The following PCGF5 variants were observed in gnomAD, a reference collection of about 807,000 sequenced individuals.
PCGF5 encodes the protein polycomb group RING finger protein 5.
In PCGF5, 9 loss-of-function variants were observed where a neutral mutation model predicts 44.3. The observed-to-expected ratio is 0.20, with a 90% CI of 0.12 to 0.35. PCGF5 has a LOEUF of 0.35. Among genes scored for constraint, PCGF5 ranks in the 10% least tolerant of loss-of-function variants. The pLI, the probability that PCGF5 is intolerant of heterozygous loss-of-function variation, is 1.00. For missense variants in PCGF5, 146 were observed against 305.3 expected, an observed-to-expected ratio of 0.48 and a Z score of 3.89; for synonymous variants, 95 against 102.5, an observed-to-expected ratio of 0.93 and a Z score of 0.44.
chr10:91,271,805 G>A, intron 9 of PCGF5, 108 bp downstream of exon 9: 1 of 888,282 alleles, frequency 1.1e-6, no homozygotes, highest in Non-Finnish European at 1.8e-6. Context: ...AACTGTTACT[G>A]GAGCTACAAA....
At chr10:91,235,982 G>A (rs1469472026) in intron 2 of PCGF5, among the ~76,000 whole-genome samples, 1 of 152,186 alleles carries the variant, frequency 6.6e-6, no homozygotes, top group Non-Finnish European at 1.5e-5. Flanking sequence ...GGAGGCTGAG[G>A]CAGGAGGATC....
intron 1 of PCGF5, among the ~76,000 whole-genome samples, chr10:91,174,207 A>T (rs1270183635): frequency 6.6e-6 from 1 of 151,988 alleles, no homozygotes; most frequent in African/African-American, 2.4e-5. Flanking sequence ...TTGCATTAAA[A>T]AAAAGTCTGT....
chr10:91,262,385 G>A (rs1371695305), intron 7 of PCGF5, among the ~76,000 whole-genome samples: 4 of 152,030 alleles, frequency 2.6e-5, no homozygotes, highest in African/African-American at 4.8e-5. Context: ...CCGAGATCAC[G>A]CCACTGCACT....
chr10:91,160,595 T>G (rs56339184), upstream of PCGF5, among the ~76,000 whole-genome samples: 26,741 of 152,048 alleles, frequency 0.18, 2,983 homozygotes, highest in Middle Eastern at 0.3. Context: ...GCTGCCATCC[T>G]GCCCAGGGAG....
Position 91,261,391 on chromosome 10 carries a change from A to G in PCGF5, c.540A>G (p.Leu180=), listed in dbSNP as rs1845904325. ...RVTVGTIKKF[L]SLKLKLPSSY... ...CTGTGGGAACTATTAAAAAATTTCT[A>G]AGTTTAAAACTAAAACTTCCAAGTT... The change falls in exon 7 of 10, where the codon CTA becomes CTG. Residue 180 remains leucine, a synonymous_variant. Coordinates refer to ENST00000336126, the MANE Select transcript of PCGF5 (RefSeq NM_032373.5). 4 of 1,494,204 alleles carry G rather than the reference A, an allele frequency of 2.7e-6. No homozygotes were observed. Among genetic ancestry groups the G allele is most frequent in the Non-Finnish European group, 2.7e-6 (3 of 1,105,284 alleles). 92.6% of individuals were successfully genotyped at this position (1,494,204 alleles called of 1,614,324 possible).
intron 2 of PCGF5, among the ~76,000 whole-genome samples, chr10:91,231,621 G>GC (rs1394933619): frequency 2.0e-5 from 3 of 152,248 alleles, no homozygotes; most frequent in African/African-American, 7.2e-5. Context: ...GTTGGGCATG[G>GC]CCGCAGGCAC....
At chr10:91,213,433 TTTG>T (rs1168058545) in intron 1 of PCGF5, among the ~76,000 whole-genome samples, 2 of 152,068 alleles carry the variant, frequency 1.3e-5, no homozygotes, top group Non-Finnish European at 2.9e-5. Context: ...GTTTCTGTAC[TTTG>T]TTCATTAACT....
intron 3 of PCGF5, among the ~76,000 whole-genome samples, chr10:91,242,272 G>C (rs1277428660): frequency 6.6e-6 from 1 of 151,164 alleles, no homozygotes; most frequent in Non-Finnish European, 1.5e-5. Context: ...AATGTCAGTA[G>C]TACTGCAGTA....
At chr10:91,244,287 G>T (rs1224774826) in intron 3 of PCGF5, among the ~76,000 whole-genome samples, 7 of 152,266 alleles carry the variant, frequency 4.6e-5, no homozygotes, top group Non-Finnish European at 8.8e-5. Context: ...GTTAACCATG[G>T]ATAGGTCTAG....
At chr10:91,182,604 T>G (rs1272674832) in intron 1 of PCGF5, among the ~76,000 whole-genome samples, 1 of 152,190 alleles carries the variant, frequency 6.6e-6, no homozygotes, top group Non-Finnish European at 1.5e-5. Context: ...TTGTTCCCTC[T>G]TGGTTCTCCA....
At chr10:91,256,665 CAA>C (rs1365869024) in intron 6 of PCGF5, among the ~76,000 whole-genome samples, 2 of 151,964 alleles carry the variant, frequency 1.3e-5, no homozygotes, top group Non-Finnish European at 2.9e-5. Flanking sequence ...TATTCAAAGA[CAA>C]AGAGAGAATC....
At chr10:91,268,536 A>G (rs948933641) in intron 8 of PCGF5, among the ~76,000 whole-genome samples, 1 of 152,004 alleles carries the variant, frequency 6.6e-6, no homozygotes, top group South Asian at 2.1e-4. Flanking sequence ...CATCTATTCT[A>G]CACACTGTGA....
intron 2 of PCGF5, among the ~76,000 whole-genome samples, chr10:91,223,836 T>C (rs1844744827): frequency 6.6e-6 from 1 of 152,194 alleles, no homozygotes; most frequent in African/African-American, 2.4e-5. Flanking sequence ...CTTCATTTTA[T>C]GGATGTGGAA....
chr10:91,252,046 A>C (rs1366586340), intron 6 of PCGF5, among the ~76,000 whole-genome samples: 3 of 152,052 alleles, frequency 2.0e-5, no homozygotes, highest in African/African-American at 4.8e-5. Flanking sequence ...TAGGAAGTTT[A>C]AAACACTCTG....
the PCGF5 span, among the ~76,000 whole-genome samples, chr10:91,157,310 C>T: frequency 6.6e-6 from 1 of 152,186 alleles, no homozygotes; most frequent in African/African-American, 2.4e-5. Context: ...CCCAAGATCA[C>T]ATAGCTAGTT....
intron 1 of PCGF5, among the ~76,000 whole-genome samples, chr10:91,200,792 C>T (rs991855340): frequency 3.3e-5 from 5 of 151,988 alleles, no homozygotes; most frequent in African/African-American, 1.2e-4. Context: ...TTCCTGTATA[C>T]GGTGGGGCCA....
intron 7 of PCGF5, among the ~76,000 whole-genome samples, chr10:91,262,664 T>A (rs1020760182): frequency 1.3e-5 from 2 of 152,194 alleles, no homozygotes; most frequent in African/African-American, 4.8e-5. Flanking sequence ...AGTCTATGGG[T>A]TGAAAATTGT....
At chr10:91,216,080 A>G (rs1844533614), upstream of PCGF5, among the ~76,000 whole-genome samples, 1 of 152,196 alleles carries the variant, frequency 6.6e-6, no homozygotes, top group African/African-American at 2.4e-5. Context: ...TCTGCTGGGG[A>G]TATGCATAGC....
At chr10:91,165,921 G>T (rs912048734) in intron 1 of PCGF5, among the ~76,000 whole-genome samples, 3 of 152,194 alleles carry the variant, frequency 2.0e-5, no homozygotes, top group African/African-American at 7.2e-5. Context: ...TACTTCTGAA[G>T]TTAGTGCTGA....
Sources: gnomAD v4.1 joint callset for allele counts (sites outside exome capture counted in the v4.1 genomes callset) on GRCh38, gnomAD v4.1.1 for gene constraint, MANE v1.5 for transcripts, NCBI Gene and HGNC (gene_info 2026-07-23, HGNC 2026-07-21) for gene names.